LGR6: variants seen among roughly 807,000 people sequenced by gnomAD.
LGR6 encodes leucine-rich repeat-containing G protein-coupled receptor 6.
Under a neutral mutation model 69.4 loss-of-function variants are expected in LGR6, and 45 were observed. The observed-to-expected ratio is 0.65, with a 90% CI of 0.51 to 0.83. The LOEUF is 0.83. LGR6 is among the 40% of genes least tolerant of loss of function. The pLI is 0.00. For missense variants in LGR6, 1,108 were observed against 1,246.7 expected (o/e 0.89, Z 1.68); for synonymous variants, 538 against 555.0 (o/e 0.97, Z 0.43).
chr1:202,227,684 C>T (rs1660665909), intron 2 of LGR6, among the ~76,000 whole-genome samples: 1 of 152,140 alleles, frequency 6.6e-6, no homozygotes, highest in African/African-American at 2.4e-5. Context: ...TTCTGTGACC[C>T]CTAGGGGACG....
intron 17 of LGR6, 103 bp downstream of exon 17, chr1:202,314,985 C>A: frequency 1.3e-6 from 1 of 792,608 alleles, no homozygotes; most frequent in Non-Finnish European, 2.2e-6. Context: ...CAGCCACATT[C>A]TTTGCCTGAC....
At chr1:202,220,257 G>A (rs752621949) in intron 1 of LGR6, among the ~76,000 whole-genome samples, 16 of 150,866 alleles carry the variant, frequency 1.1e-4, no homozygotes, top group South Asian at 8.4e-4. Context: ...TCATTCTGTC[G>A]TCCCGTTCGG....
intron 1 of LGR6, among the ~76,000 whole-genome samples, chr1:202,205,081 T>C (rs1659088378): frequency 1.3e-5 from 1 of 76,676 alleles, no homozygotes; most frequent in African/African-American, 5.4e-5. Flanking sequence ...ACACACCTCC[T>C]CCACACACAC....
At chr1:202,204,426 TCCA>T (rs1658972021) in intron 1 of LGR6, among the ~76,000 whole-genome samples, 1 of 29,930 alleles carries the variant, frequency 3.3e-5, no homozygotes, top group Non-Finnish European at 6.2e-5. Flanking sequence ...CACACACACC[TCCA>T]AACACACACA....
intron 4 of LGR6, among the ~76,000 whole-genome samples, chr1:202,244,221 T>A (rs902915986): frequency 2.2e-4 from 34 of 152,138 alleles, no homozygotes; most frequent in African/African-American, 8.0e-4. Context: ...CCTCCCAAAG[T>A]GCTGGGATTA....
chr1:202,259,707 T>C (rs1664065011), intron 4 of LGR6, among the ~76,000 whole-genome samples: 1 of 152,068 alleles, frequency 6.6e-6, no homozygotes, highest in Admixed American at 6.5e-5. Context: ...TTTCCCCCTT[T>C]CCCTCCCTCT....
chr1:202,259,077 G>T (rs1023405403), intron 4 of LGR6, among the ~76,000 whole-genome samples: 1 of 151,954 alleles, frequency 6.6e-6, no homozygotes, highest in African/African-American at 2.4e-5. Flanking sequence ...TACTATAATA[G>T]AATTTATTAT....
chr1:202,270,358 G>T (rs138602995), intron 4 of LGR6, among the ~76,000 whole-genome samples: 2 of 151,856 alleles, frequency 1.3e-5, no homozygotes, highest in East Asian at 2.0e-4. Context: ...TTCTCCTACC[G>T]CAGCCTCCCA....
intron 1 of LGR6, among the ~76,000 whole-genome samples, chr1:202,217,558 C>T (rs1659868297): frequency 6.6e-6 from 1 of 152,188 alleles, no homozygotes; most frequent in Non-Finnish European, 1.5e-5. Flanking sequence ...TGAATTGGGT[C>T]ACCTTCGGGC....
intron 6 of LGR6, among the ~76,000 whole-genome samples, chr1:202,288,790 C>A (rs1008361102): frequency 6.6e-6 from 1 of 152,204 alleles, no homozygotes; most frequent in Non-Finnish European, 1.5e-5. Context: ...TTCCCATAAG[C>A]CAGTTGTTCA....
intron 6 of LGR6, among the ~76,000 whole-genome samples, chr1:202,296,207 A>C (rs959251804): frequency 1.3e-5 from 2 of 152,014 alleles, no homozygotes; most frequent in African/African-American, 4.8e-5. Context: ...TCATCCTGGG[A>C]GGCTAGGGAG....
At chr1:202,274,279 A>G (rs974038715) in intron 4 of LGR6, among the ~76,000 whole-genome samples, 4 of 152,210 alleles carry the variant, frequency 2.6e-5, no homozygotes, top group African/African-American at 7.2e-5. Context: ...ATTTAAAAAC[A>G]TTGAGTGCCA....
chr1:202,262,438 A>G (rs1004278131), intron 4 of LGR6, among the ~76,000 whole-genome samples: 2 of 151,982 alleles, frequency 1.3e-5, no homozygotes, highest in African/African-American at 4.8e-5. Context: ...GTTCTGTTCC[A>G]TTGATCTATA....
At chr1:202,286,234 C>A (rs538728371) in intron 6 of LGR6, among the ~76,000 whole-genome samples, 3 of 152,294 alleles carry the variant, frequency 2.0e-5, no homozygotes, top group Middle Eastern at 3.4e-3. Flanking sequence ...GCTATCCTGG[C>A]GGGCTCCATG....
At chr1:202,272,535 GAT>G (rs1276770703) in intron 4 of LGR6, among the ~76,000 whole-genome samples, 1 of 152,226 alleles carries the variant, frequency 6.6e-6, no homozygotes, top group Non-Finnish European at 1.5e-5. Flanking sequence ...CAGGACAGAA[GAT>G]AGTTTCTCTC....
rs772433300 is a variant in LGR6, at chr1:202,236,005, G to C, written c.428+12G>C. 1 of 1,612,494 alleles carries C rather than the reference G, an allele frequency of 6.2e-7. No homozygotes were observed. Among genetic ancestry groups the C allele is most frequent in the Non-Finnish European group, 8.5e-7 (1 of 1,178,934 alleles). ...AGCCTGCAGTCGCTGTGAGTCATTA[G>C]AGGGCTGGTCTGGGAGTCACCAGCT... is the stretch of plus-strand genomic sequence containing the variant. On this transcript the variant is annotated intron_variant, in intron 4 of 17. Transcript: ENST00000367278.
At chr1:202,228,632 G>A (rs1660758553) in intron 3 of LGR6, among the ~76,000 whole-genome samples, 2 of 152,100 alleles carry the variant, frequency 1.3e-5, no homozygotes, top group African/African-American at 4.8e-5. Flanking sequence ...AGAAAGGAAG[G>A]CTGAGACACA....
chr1:202,240,833 C>G (rs1018804823), intron 4 of LGR6, among the ~76,000 whole-genome samples: 8 of 152,132 alleles, frequency 5.3e-5, no homozygotes, highest in Admixed American at 3.9e-4. Context: ...ACCCATCATT[C>G]CATACCTCTG....
intron 4 of LGR6, among the ~76,000 whole-genome samples, chr1:202,237,416 GA>G: frequency 6.6e-6 from 1 of 152,380 alleles, no homozygotes; most frequent in East Asian, 1.9e-4. Flanking sequence ...GGAGTGAGGA[GA>G]ATTTGACATT....
Sources: gnomAD v4.1 joint callset for allele counts (sites outside exome capture counted in the v4.1 genomes callset) on GRCh38, gnomAD v4.1.1 for gene constraint, MANE v1.5 for transcripts, NCBI Gene and HGNC (gene_info 2026-07-23, HGNC 2026-07-21) for gene names.